EXOC6B: variants seen among roughly 807,000 people sequenced by gnomAD.
The protein encoded by EXOC6B is SEC15 homolog B.
A neutral mutation model predicts 113.5 loss-of-function variants in EXOC6B; 54 were observed. The observed-to-expected ratio is 0.48, with a 90% confidence interval of 0.38 to 0.60. The LOEUF (loss-of-function observed/expected upper bound fraction) is 0.60, where lower values mean the gene tolerates loss of function less well. Ranked by LOEUF, EXOC6B falls within the 20% of genes least tolerant of loss-of-function variation. The pLI, the probability that EXOC6B is intolerant of heterozygous loss-of-function variation, is 0.00. For synonymous variants in EXOC6B, 357 were observed against 339.0 expected (o/e 1.05, Z -0.58); for missense variants, 797 against 977.5 (o/e 0.82, Z 2.46).
chr2:72,787,807 A>G (rs1254027367), intron 1 of EXOC6B, among the ~76,000 whole-genome samples: 1 of 151,128 alleles, frequency 6.6e-6, no homozygotes, highest in Non-Finnish European at 1.5e-5. Flanking sequence ...TTTTGTGTAT[A>G]TTTTTTTTCT....
chr2:72,644,372 T>G (rs966235227), intron 6 of EXOC6B, among the ~76,000 whole-genome samples: 1 of 152,192 alleles, frequency 6.6e-6, no homozygotes, highest in Non-Finnish European at 1.5e-5. Context: ...GAAAACACTC[T>G]GCAGGATATT....
chr2:72,572,700 G>C (rs138312647), intron 7 of EXOC6B, among the ~76,000 whole-genome samples: 1 of 152,148 alleles, frequency 6.6e-6, no homozygotes, highest in African/African-American at 2.4e-5. Context: ...AGTGGGTCAC[G>C]AAAGACCTTA....
At chr2:72,788,802 G>A (rs186458823) in intron 1 of EXOC6B, among the ~76,000 whole-genome samples, 8 of 152,242 alleles carry the variant, frequency 5.3e-5, no homozygotes, top group East Asian at 1.9e-4. Flanking sequence ...AAAGGGGGGC[G>A]ACCCTGTCTC....
At chr2:72,231,665 G>A (rs1681626608) in intron 20 of EXOC6B, among the ~76,000 whole-genome samples, 1 of 152,002 alleles carries the variant, frequency 6.6e-6, no homozygotes, top group South Asian at 2.1e-4. Flanking sequence ...ATGGGCAAAG[G>A]ACAATGGAAA....
intron 18 of EXOC6B, among the ~76,000 whole-genome samples, chr2:72,438,437 C>T (rs1393281074): frequency 2.2e-4 from 33 of 152,000 alleles, no homozygotes; most frequent in Admixed American, 2.2e-3. Context: ...AGAGAGACCC[C>T]ATCTCTACAG....
At chr2:72,318,218 A>G (rs889436058) in intron 20 of EXOC6B, among the ~76,000 whole-genome samples, 3 of 152,152 alleles carry the variant, frequency 2.0e-5, no homozygotes, top group Non-Finnish European at 4.4e-5. Flanking sequence ...AAAATTAAAA[A>G]CCGAAATAAA....
intron 19 of EXOC6B, among the ~76,000 whole-genome samples, chr2:72,369,517 A>C (rs1000349863): frequency 2.0e-5 from 3 of 152,180 alleles, no homozygotes; most frequent in African/African-American, 7.2e-5. Context: ...ACTACTTCAA[A>C]GTTCATATGG....
intron 18 of EXOC6B, among the ~76,000 whole-genome samples, chr2:72,405,453 A>G (rs976879576): frequency 1.3e-5 from 2 of 152,222 alleles, no homozygotes; most frequent in African/African-American, 4.8e-5. Flanking sequence ...AGCCAGAGAG[A>G]AAGGTCAGGT....
intron 18 of EXOC6B, among the ~76,000 whole-genome samples, chr2:72,437,561 C>G (rs1340309296): frequency 1.3e-5 from 2 of 152,206 alleles, no homozygotes; most frequent in African/African-American, 2.4e-5. Flanking sequence ...AAGCCCCTGA[C>G]TGGGGCTGCT....
intron 6 of EXOC6B, among the ~76,000 whole-genome samples, chr2:72,693,915 AT>A (rs1250242392): frequency 1.7e-4 from 26 of 151,938 alleles, no homozygotes; most frequent in Non-Finnish European, 2.9e-5. Flanking sequence ...TCCTAAAAAA[AT>A]ATATCCAAAT....
intron 6 of EXOC6B, among the ~76,000 whole-genome samples, chr2:72,602,008 G>T (rs1023313550): frequency 6.6e-6 from 1 of 152,126 alleles, no homozygotes; most frequent in Non-Finnish European, 1.5e-5. Context: ...CCAGGGGATT[G>T]GTGGGAGAAA....
chr2:72,559,542 C>CA (rs777378009), intron 7 of EXOC6B, 21 bp from the exon 8 acceptor site: 48 of 1,592,462 alleles, frequency 3.0e-5, no homozygotes, highest in Non-Finnish European at 3.7e-5. Context: ...AAGATTATAA[C>CA]AAAAAAATTC....
intron 6 of EXOC6B, among the ~76,000 whole-genome samples, chr2:72,631,395 A>C (rs1672382240): frequency 7.3e-6 from 1 of 137,628 alleles, no homozygotes; most frequent in Admixed American, 7.3e-5. Context: ...GTGATATAGT[A>C]GTGTGTGTAT....
At chr2:72,197,011 T>C (rs1679215091) in intron 20 of EXOC6B, among the ~76,000 whole-genome samples, 1 of 152,126 alleles carries the variant, frequency 6.6e-6, no homozygotes, top group Non-Finnish European at 1.5e-5. Flanking sequence ...AAGTTGGGCA[T>C]GATTTAGGTA....
intron 6 of EXOC6B, among the ~76,000 whole-genome samples, chr2:72,590,340 A>G (rs188821905): frequency 1.3e-5 from 2 of 152,108 alleles, no homozygotes; most frequent in East Asian, 1.9e-4. Flanking sequence ...GAAAAGTTAT[A>G]AAAATGAAAA....
chr2:72,661,871 G>A (rs965934665), intron 6 of EXOC6B, among the ~76,000 whole-genome samples: 4 of 151,900 alleles, frequency 2.6e-5, no homozygotes, highest in Non-Finnish European at 5.9e-5. Context: ...GATACTAATC[G>A]ACATCAGTAG....
chr2:72,191,926 G>T (rs41402), intron 20 of EXOC6B, among the ~76,000 whole-genome samples: 56,547 of 151,946 alleles, frequency 0.37, 11,659 homozygotes, highest in African/African-American at 0.53. Context: ...CAAACCATCC[G>T]GGGGGTACTT....
chr2:72,445,660 C>T (rs1355151691), intron 18 of EXOC6B, among the ~76,000 whole-genome samples: 1 of 152,076 alleles, frequency 6.6e-6, no homozygotes, highest in Non-Finnish European at 1.5e-5. Context: ...CTTTTTATAA[C>T]CATCAGATCT....
At chr2:72,714,313 G>C (rs1337308985) in intron 6 of EXOC6B, among the ~76,000 whole-genome samples, 1 of 152,190 alleles carries the variant, frequency 6.6e-6, no homozygotes, top group African/African-American at 2.4e-5. Context: ...CAAGTTAAAA[G>C]GCTGAAAAGC....
Sources: allele counts gnomAD v4.1 joint callset (sites outside exome capture counted in the v4.1 genomes callset), GRCh38; gene constraint gnomAD v4.1.1; transcripts MANE v1.5; gene names NCBI Gene and HGNC (gene_info 2026-07-23, HGNC 2026-07-21).